The following IGFL1 variants were observed in gnomAD, a reference collection of about 807,000 sequenced individuals.
IGFL1 encodes the protein IGF like family member 1.
IGFL1 carries 16 observed loss-of-function variants against 16.0 expected under a neutral mutation model. That is an observed-to-expected ratio of 1.00 (90% CI 0.68 to 1.52). IGFL1 has a LOEUF of 1.52. IGFL1 is among the 40% of genes most tolerant of loss of function. The probability of loss-of-function intolerance (pLI) is 0.00; values close to 1 mark genes in which losing one functional copy is unlikely to be tolerated. For missense variants in IGFL1, 149 were observed against 141.7 expected (o/e 1.05, Z -0.26); for synonymous variants, 59 against 54.0 (o/e 1.09, Z -0.41).
In IGFL1 at chr19:46,230,398, G is replaced by A. The variant is rs758308513; in HGVS notation, c.204G>A (p.Thr68=). Reference sequence around the variant, plus strand: ...TCGTGCCCTTGGCCAGGACCCAGACGTGTGGAAACTGCACCTTCAGAGTCT... The same window carrying A: ...TCGTGCCCTTGGCCAGGACCCAGACATGTGGAAACTGCACCTTCAGAGTCT... ...DAVVPLARTQ[T]CGNCTFRVCF... is the part of the protein sequence containing the mutation. The change falls in exon 3 of 4, where the codon ACG becomes ACA. Residue 68 remains threonine, a synonymous_variant. Coordinates refer to ENST00000437936, the MANE Select transcript of IGFL1 (RefSeq NM_198541.2). The A allele has an allele frequency of 1.1e-4, 179 of 1,613,958 alleles. No individual in the cohort carries two copies. The Admixed American group carries it at 2.7e-3, about 24-fold the overall frequency.
intron 3 of IGFL1, 57 bp downstream of exon 3, chr19:46,230,574 G>A: frequency 5.0e-6 from 8 of 1,596,578 alleles, no homozygotes; most frequent in Non-Finnish European, 6.8e-6. Flanking sequence ...TGCCTGTTCT[G>A]CCCTGGGTGG....
In IGFL1 at chr19:46,230,434, G is replaced by T; in HGVS notation, c.240G>T (p.Gln80His). The change falls in exon 3 of 4, where the codon CAG (glutamine) becomes CAT (histidine). Residue 80 changes from glutamine (Q) to histidine (H), a missense_variant. Physicochemically the swap from Gln to His is conservative, Grantham distance 24 (BLOSUM62 0). Transcript: ENST00000437936. ...GCACCTTCAGAGTCTGCTTTGAGCA[G>T]TGCTGCCCCTGGACCTTCATGGTGA... ...GNCTFRVCFEQCCPWTFMVKL... is the reference protein window; with the variant it reads ...GNCTFRVCFEHCCPWTFMVKL... 1 of 1,614,062 alleles carries T rather than the reference G, an allele frequency of 6.2e-7. No homozygotes were observed. The highest frequency in any genetic ancestry group is 2.2e-5 in the East Asian group (1 of 44,888).
intron 2 of IGFL1, 30 bp from the exon 3 acceptor site, chr19:46,230,244 C>A: frequency 6.2e-7 from 1 of 1,613,770 alleles, no homozygotes; most frequent in South Asian, 1.1e-5. Flanking sequence ...GCCACTACCT[C>A]CTGGATCTCA....
Position 46,229,788 on chromosome 19 carries a change from G to A in IGFL1, c.14G>A (p.Gly5Asp). ...CCACCCAGAGCCATGGCTCCCCGAG[G>A]CTGCATCGTAGGTAAGGAGGACAGG... Reference protein sequence around the residue: MAPRGCIVAVFAIFC... With the variant: MAPRDCIVAVFAIFC... The change falls in exon 1 of 4, where the codon GGC becomes GAC. Residue 5 changes from glycine to aspartate, a missense_variant. Coordinates refer to ENST00000437936, the MANE Select transcript of IGFL1 (RefSeq NM_198541.2). The A allele has an allele frequency of 6.2e-7, 1 of 1,607,600 alleles. No homozygotes were observed. Among genetic ancestry groups the A allele is most frequent in the African/African-American group, 1.3e-5 (1 of 74,784 alleles).
In IGFL1 at chr19:46,230,422, C is replaced by G. The variant is rs370998643; in HGVS notation, c.228C>G (p.Val76=). The change falls in exon 3 of 4, where the codon GTC becomes GTG. Residue 76 remains valine, a synonymous_variant. Coordinates refer to ENST00000437936, the MANE Select transcript of IGFL1 (RefSeq NM_198541.2). ...TQTCGNCTFR[V]CFEQCCPWTF... ...CGTGTGGAAACTGCACCTTCAGAGT[C>G]TGCTTTGAGCAGTGCTGCCCCTGGA... The G allele has an allele frequency of 6.2e-7, 1 of 1,613,960 alleles. No individual in the cohort carries two copies. Among genetic ancestry groups the G allele is most frequent in the African/African-American group, 1.3e-5 (1 of 74,942 alleles).
chr19:46,230,926 C>T lies in IGFL1; in HGVS notation c.*96C>T, dbSNP rs73574626. On this transcript the variant is annotated 3_prime_UTR_variant, in exon 4 of 4. Coordinates refer to ENST00000437936, the MANE Select transcript of IGFL1 (RefSeq NM_198541.2). ...ACCTGAGATCTGGGATGCTGAGTGG[C>T]TGTTTGGGGGCCAGAGAAACACACA... 2.8e-4 allele frequency: 355 copies of T among 1,257,000 alleles called. 2 individuals carry two copies. In the African/African-American group the frequency reaches 4.7e-3, roughly 17 times the overall value. 77.9% of individuals were successfully genotyped at this position (1,257,000 alleles called of 1,614,324 possible). A position where few individuals can be genotyped will look rare whatever the true frequency, so the allele number is the denominator to read the frequency against.
intron 3 of IGFL1, 104 bp downstream of exon 3, chr19:46,230,621 T>C (rs1339962872): frequency 9.2e-6 from 14 of 1,525,272 alleles, no homozygotes; most frequent in Non-Finnish European, 4.5e-6. Flanking sequence ...CTCTGCCCCC[T>C]GCTTCTATTC....
chr19:46,230,745 C>A, intron 3 of IGFL1, 76 bp from the exon 4 acceptor site: 1 of 1,529,152 alleles, frequency 6.5e-7, no homozygotes, highest in South Asian at 1.1e-5. Context: ...GTCCTCATTT[C>A]TGCCCATGTT....
chr19:46,230,016 G>C, intron 1 of IGFL1, 92 bp from the exon 2 acceptor site: 1 of 1,475,034 alleles, frequency 6.8e-7, no homozygotes, highest in Non-Finnish European at 9.4e-7. Flanking sequence ...GCCATACCGA[G>C]CCCTGGTTCC....
In IGFL1 at chr19:46,230,454, T is replaced by G. The variant is rs529295951; in HGVS notation, c.260T>G (p.Met87Arg). Residue 87 changes from methionine (M) to arginine (R), a missense_variant, in exon 3 of 4, where the codon ATG becomes AGG. Physicochemically the swap from Met to Arg is moderately conservative, Grantham distance 91. Transcript: ENST00000437936. ...GAGCAGTGCTGCCCCTGGACCTTCA[T>G]GGTGAAGCTGATAAACCAGAACTGC... is the stretch of plus-strand genomic sequence containing the variant. ...CFEQCCPWTF[M>R]VKLINQNCDS... 1.2e-6 allele frequency: 2 copies of G among 1,614,024 alleles called. No homozygotes were observed. Among genetic ancestry groups the G allele is most frequent in the South Asian group, 2.2e-5 (2 of 91,076 alleles).
chr19:46,230,954 C>T lies in IGFL1; in HGVS notation c.*124C>T, dbSNP rs1488102935. ...TTTGGGGGCCAGAGAAACACACACTCAACTGCCCACTTCATTCTGTGACCT... is the reference window on the plus strand; with the variant it reads ...TTTGGGGGCCAGAGAAACACACACTTAACTGCCCACTTCATTCTGTGACCT... On this transcript the variant is annotated 3_prime_UTR_variant, in exon 4 of 4. Transcript: ENST00000437936. 2.1e-6 allele frequency: 2 copies of T among 945,626 alleles called. No homozygotes were observed. Among genetic ancestry groups the T allele is most frequent in the Non-Finnish European group, 3.4e-6 (2 of 595,776 alleles). The allele number at this position is 945,626 out of a possible 1,614,324, so 58.6% of individuals were successfully genotyped here.
In IGFL1 at chr19:46,229,758, T is replaced by C. The variant is rs947292047; in HGVS notation, c.-17T>C. 1.2e-5 allele frequency: 19 copies of C among 1,601,524 alleles called. No individual in the cohort carries two copies. Among genetic ancestry groups the C allele is most frequent in the Non-Finnish European group, 1.4e-5 (16 of 1,174,504 alleles). ...TCTGCTGATCCCCTCCTCACTCCAC[T>C]GCAACCACCCAGAGCCATGGCTCCC... On this transcript the variant is annotated 5_prime_UTR_variant, in exon 1 of 4. Coordinates refer to ENST00000437936, the MANE Select transcript of IGFL1 (RefSeq NM_198541.2).
At chr19:46,229,854 A>G in intron 1 of IGFL1, 55 bp downstream of exon 1, 4 of 1,562,334 alleles carry the variant, frequency 2.6e-6, no homozygotes, top group Non-Finnish European at 3.5e-6. Context: ...CTCAGCCACC[A>G]CCAGGGCTCT....
chr19:46,230,533 T>C lies in IGFL1; in HGVS notation c.323+16T>C. On this transcript the variant is annotated intron_variant, in intron 3 of 3. Coordinates refer to ENST00000437936, the MANE Select transcript of IGFL1 (RefSeq NM_198541.2). ...TTTGTCGCAGGTGAGTCCTGTCCCCTCCGTGGGATTGTGGGTGCAGGGTAG... is the reference window on the plus strand; with the variant it reads ...TTTGTCGCAGGTGAGTCCTGTCCCCCCCGTGGGATTGTGGGTGCAGGGTAG... The C allele has an allele frequency of 6.2e-7, 1 of 1,612,062 alleles. No homozygotes were observed. The highest frequency in any genetic ancestry group is 8.5e-7 in the Non-Finnish European group (1 of 1,178,916).
In IGFL1 at chr19:46,230,398, G is replaced by T. The variant is rs758308513; in HGVS notation, c.204G>T (p.Thr68=). Residue 68 remains threonine (T), a synonymous_variant, in exon 3 of 4, where the codon ACG becomes ACT. Transcript: ENST00000437936. ...TCGTGCCCTTGGCCAGGACCCAGAC[G>T]TGTGGAAACTGCACCTTCAGAGTCT... The part of the protein sequence containing the change: ...DAVVPLARTQ[T]CGNCTFRVCF... 5.0e-6 allele frequency: 8 copies of T among 1,614,076 alleles called. No homozygotes were observed. Among genetic ancestry groups the T allele is most frequent in the Middle Eastern group, 1.6e-4 (1 of 6,062 alleles).
chr19:46,230,701 C>A, intron 3 of IGFL1, 120 bp from the exon 4 acceptor site: 1 of 1,378,126 alleles, frequency 7.3e-7, no homozygotes, highest in Non-Finnish European at 1.0e-6. Flanking sequence ...ATCTCACTCT[C>A]TCTACCCCGC....
chr19:46,230,341 C>T lies in IGFL1; in HGVS notation c.147C>T (p.Asp49=). The change falls in exon 3 of 4, where the codon GAC becomes GAT. Residue 49 remains aspartate (D), a synonymous_variant. Transcript: ENST00000437936. The part of the protein sequence containing the change: ...PHKRCGDKFY[D]PLQHCCYDDA... ...AGAGATGTGGGGACAAGTTCTACGA[C>T]CCCCTGCAGCACTGTTGCTATGATG... 3.7e-6 allele frequency: 6 copies of T among 1,614,038 alleles called. No individual in the cohort carries two copies. The highest frequency in any genetic ancestry group is 4.2e-6 in the Non-Finnish European group (5 of 1,179,904).
At position 46,230,514 on chromosome 19, in the gene IGFL1, G is replaced by T. The variant is rs201835804; in HGVS notation, c.320G>T (p.Arg107Leu). 1.9e-6 allele frequency: 3 copies of T among 1,613,606 alleles called. No individual in the cohort carries two copies. The highest frequency in any genetic ancestry group is 1.7e-5 in the Admixed American group (1 of 60,012). Reference protein sequence around the residue: ...SARTSDDRLCRSVS With the variant: ...SARTSDDRLCLSVS ...CGGACCTCGGATGACAGGCTTTGTC[G>T]CAGGTGAGTCCTGTCCCCTCCGTGG... Residue 107 changes from arginine (R) to leucine (L), a missense_variant, in exon 3 of 4, where the codon CGC becomes CTC. Coordinates refer to ENST00000437936, the MANE Select transcript of IGFL1 (RefSeq NM_198541.2).
chr19:46,230,825 A>G lies in IGFL1; in HGVS notation c.328A>G (p.Ser110Gly). 1 of 1,611,780 alleles carries G rather than the reference A, an allele frequency of 6.2e-7. No homozygotes were observed. Among genetic ancestry groups the G allele is most frequent in the Non-Finnish European group, 8.5e-7 (1 of 1,179,038 alleles). Residue 110 changes from serine to glycine, a missense_variant, in exon 4 of 4, where the codon AGC becomes GGC. Transcript: ENST00000437936. ...TCTCTCTGTCACTATCTCCAGTGTC[A>G]GCTAATGGAACATCAGGGGAACGAT... ...TSDDRLCRSV[S>G] is the part of the protein sequence containing the mutation.
Sources: allele counts gnomAD v4.1 joint callset, GRCh38; gene constraint gnomAD v4.1.1; transcripts MANE v1.5; gene names NCBI Gene and HGNC (gene_info 2026-07-23, HGNC 2026-07-21).